The following MCU variants were observed in gnomAD, a reference collection of about 807,000 sequenced individuals.
MCU encodes calcium uniporter protein, mitochondrial.
Under a neutral mutation model 45.2 loss-of-function variants are expected in MCU, and 12 were observed. That is an observed-to-expected ratio of 0.27 (90% CI 0.17 to 0.43). MCU has a LOEUF of 0.43. MCU is among the 20% of genes least tolerant of loss of function. The pLI, the probability that MCU is intolerant of heterozygous loss-of-function variation, is 1.00. For synonymous variants in MCU, 160 were observed against 165.1 expected (o/e 0.97, Z 0.24); for missense variants, 324 against 436.7 (o/e 0.74, Z 2.30).
At chr10:72,883,398 T>A (rs944157866) in intron 6 of MCU, among the ~76,000 whole-genome samples, 12 of 152,334 alleles carry the variant, frequency 7.9e-5, no homozygotes, top group Non-Finnish European at 1.3e-4. Context: ...AAGCTTTTTT[T>A]AAAAATGAGA....
At chr10:72,780,064 G>A (rs1843965500) in intron 1 of MCU, among the ~76,000 whole-genome samples, 1 of 152,134 alleles carries the variant, frequency 6.6e-6, no homozygotes, top group South Asian at 2.1e-4. Flanking sequence ...TAAACAGAAG[G>A]TGGTATATCC....
chr10:72,823,462 A>G (rs987339339), intron 1 of MCU, among the ~76,000 whole-genome samples: 2 of 152,216 alleles, frequency 1.3e-5, no homozygotes, highest in Non-Finnish European at 2.9e-5. Flanking sequence ...AGCTGGAGTC[A>G]TAGACAGAGT....
chr10:72,711,970 C>G (rs938621469), intron 1 of MCU, among the ~76,000 whole-genome samples: 6 of 151,170 alleles, frequency 4.0e-5, no homozygotes, highest in African/African-American at 1.5e-4. Context: ...CCTTGGCCCC[C>G]CAAAGTGTTG....
chr10:72,826,362 A>G (rs1481251610), intron 1 of MCU, among the ~76,000 whole-genome samples: 2 of 152,234 alleles, frequency 1.3e-5, no homozygotes, highest in African/African-American at 2.4e-5. Flanking sequence ...CACAAATGTA[A>G]CTAACACCTG....
At chr10:72,880,636 C>T (rs921927251) in intron 6 of MCU, among the ~76,000 whole-genome samples, 2 of 152,138 alleles carry the variant, frequency 1.3e-5, no homozygotes, top group African/African-American at 4.8e-5. Context: ...GAATAGACTG[C>T]TTCTAAAACG....
At chr10:72,880,491 A>G (rs546496706) in intron 6 of MCU, among the ~76,000 whole-genome samples, 8 of 152,110 alleles carry the variant, frequency 5.3e-5, no homozygotes, top group South Asian at 2.1e-4. Context: ...GGGGGGGGAA[A>G]CCCTAGAAAT....
At chr10:72,843,220 C>T (rs954835094) in intron 2 of MCU, among the ~76,000 whole-genome samples, 1 of 152,158 alleles carries the variant, frequency 6.6e-6, no homozygotes. Context: ...GGGTTTTGGG[C>T]AAATGTATAT....
intron 6 of MCU, among the ~76,000 whole-genome samples, chr10:72,872,717 G>A (rs193192175): frequency 2.7e-3 from 408 of 152,248 alleles, no homozygotes; most frequent in Non-Finnish European, 4.9e-3. Flanking sequence ...ATAGTGCTGC[G>A]GTAAACATAG....
intron 4 of MCU, among the ~76,000 whole-genome samples, chr10:72,867,444 C>T (rs1015774576): frequency 3.9e-5 from 6 of 152,106 alleles, no homozygotes; most frequent in African/African-American, 1.4e-4. Flanking sequence ...CAGTCGTTCT[C>T]ATAACTTCAT....
intron 4 of MCU, among the ~76,000 whole-genome samples, chr10:72,865,971 G>A (rs1052632739): frequency 1.3e-5 from 2 of 151,186 alleles, no homozygotes; most frequent in South Asian, 2.1e-4. Context: ...TAGAGACGGG[G>A]TTTCACCATG....
chr10:72,734,261 G>T (rs1306127994), intron 1 of MCU, among the ~76,000 whole-genome samples: 1 of 152,104 alleles, frequency 6.6e-6, no homozygotes, highest in Non-Finnish European at 1.5e-5. Flanking sequence ...AAGAAAGAAA[G>T]AAATTCCTTG....
At chr10:72,868,911 A>G (rs1376160643) in intron 5 of MCU, 48 bp downstream of exon 5, 11 of 1,582,664 alleles carry the variant, frequency 7.0e-6, no homozygotes, top group Non-Finnish European at 9.5e-6. Context: ...TATTTTTTCC[A>G]GAGCATATAT....
At chr10:72,747,235 T>C (rs190333955) in intron 1 of MCU, among the ~76,000 whole-genome samples, 1 of 152,330 alleles carries the variant, frequency 6.6e-6, no homozygotes, top group African/African-American at 2.4e-5. Context: ...TGTTTGCAGA[T>C]ATTTCAGGGA....
At chr10:72,884,197 A>G in intron 6 of MCU, 69 bp from the exon 7 acceptor site, 1 of 911,804 alleles carries the variant, frequency 1.1e-6, no homozygotes, top group Non-Finnish European at 1.8e-6. Context: ...GAATCTAAGC[A>G]GCAGTTAGTA....
chr10:72,749,729 T>C (rs2132707759), intron 1 of MCU, among the ~76,000 whole-genome samples: 1 of 152,278 alleles, frequency 6.6e-6, no homozygotes, highest in Non-Finnish European at 1.5e-5. Flanking sequence ...TTGGGACATA[T>C]GGTCACCCTA....
intron 1 of MCU, among the ~76,000 whole-genome samples, chr10:72,824,799 T>C (rs955885981): frequency 6.6e-6 from 1 of 152,162 alleles, no homozygotes; most frequent in Non-Finnish European, 1.5e-5. Flanking sequence ...TCTATAGTTA[T>C]TTATATTTGT....
chr10:72,703,495 A>G (rs1006929702), intron 1 of MCU, among the ~76,000 whole-genome samples: 4 of 152,196 alleles, frequency 2.6e-5, no homozygotes, highest in South Asian at 2.1e-4. Flanking sequence ...TTCTGAAGAA[A>G]TTGAAATTTT....
chr10:72,790,913 T>C (rs1844148715), intron 1 of MCU, among the ~76,000 whole-genome samples: 1 of 152,224 alleles, frequency 6.6e-6, no homozygotes, highest in South Asian at 2.1e-4. Context: ...CATATTGTGG[T>C]CTGACAAAGA....
chr10:72,713,903 C>T (rs907877058), intron 1 of MCU, among the ~76,000 whole-genome samples: 11 of 150,580 alleles, frequency 7.3e-5, no homozygotes, highest in African/African-American at 1.2e-4. Context: ...TTTTATATTC[C>T]GGACACACAG....
Sources: allele counts gnomAD v4.1 joint callset (sites outside exome capture counted in the v4.1 genomes callset), GRCh38; gene constraint gnomAD v4.1.1; transcripts MANE v1.5; gene names NCBI Gene and HGNC (gene_info 2026-07-23, HGNC 2026-07-21).